DLG2: variants seen among roughly 807,000 people sequenced by gnomAD.
DLG2 encodes the protein disks large homolog 2.
In DLG2, 45 loss-of-function variants were observed where a neutral mutation model predicts 132.5. The ratio of observed to expected loss-of-function variants is 0.34; its 90% confidence interval spans 0.27 to 0.44. DLG2 has a LOEUF of 0.44. DLG2 is among the 20% of genes least tolerant of loss of function. DLG2 has a pLI of 1.00. For missense variants in DLG2, 1,045 were observed against 1,196.9 expected, an observed-to-expected ratio of 0.87 and a Z score of 1.87; for synonymous variants, 424 against 419.6, an observed-to-expected ratio of 1.01 and a Z score of -0.13.
At chr11:84,227,016 T>A (rs1431059595) in intron 8 of DLG2, among the ~76,000 whole-genome samples, 1 of 151,338 alleles carries the variant, frequency 6.6e-6, no homozygotes, top group East Asian at 1.9e-4. Flanking sequence ...AACCCAGGAG[T>A]CGGAGATTGC....
chr11:84,778,689 A>G (rs1036138579), intron 6 of DLG2, among the ~76,000 whole-genome samples: 3 of 151,962 alleles, frequency 2.0e-5, no homozygotes, highest in Admixed American at 1.3e-4. Context: ...TGTCAAGCTG[A>G]TTGGATTGAA....
chr11:83,883,949 T>C (rs1020036848), intron 15 of DLG2, among the ~76,000 whole-genome samples: 2 of 152,192 alleles, frequency 1.3e-5, no homozygotes, highest in East Asian at 1.9e-4. Flanking sequence ...AGAAATTTTA[T>C]AGAGCTGGTG....
At chr11:83,683,530 A>T (rs1566515988) in intron 18 of DLG2, among the ~76,000 whole-genome samples, 1 of 152,214 alleles carries the variant, frequency 6.6e-6, no homozygotes, top group Non-Finnish European at 1.5e-5. Flanking sequence ...AAGGATAAAA[A>T]GATAAGTTTT....
chr11:85,200,450 A>T (rs1172871691), intron 4 of DLG2, among the ~76,000 whole-genome samples: 1 of 152,162 alleles, frequency 6.6e-6, no homozygotes, highest in African/African-American at 2.4e-5. Flanking sequence ...CATATCTCAC[A>T]GCCCAGGCAT....
intron 3 of DLG2, among the ~76,000 whole-genome samples, chr11:85,300,240 C>A (rs2079504824): frequency 6.6e-6 from 1 of 152,200 alleles, no homozygotes; most frequent in South Asian, 2.1e-4. Flanking sequence ...ATGGGAGCAA[C>A]AAAACAAAAT....
At chr11:84,426,778 A>G (rs1378445375) in intron 7 of DLG2, among the ~76,000 whole-genome samples, 1 of 152,164 alleles carries the variant, frequency 6.6e-6, no homozygotes, top group Non-Finnish European at 1.5e-5. Context: ...CATTCAGCAC[A>G]TAATACTTCC....
intron 4 of DLG2, among the ~76,000 whole-genome samples, chr11:85,250,202 A>G (rs2076330120): frequency 1.3e-5 from 2 of 152,168 alleles, no homozygotes; most frequent in South Asian, 4.1e-4. Context: ...GTCAAGTATC[A>G]TAAATGCGTT....
chr11:84,012,956 A>G (rs2154066946), intron 11 of DLG2, among the ~76,000 whole-genome samples: 1 of 151,728 alleles, frequency 6.6e-6, no homozygotes, highest in East Asian at 1.9e-4. Flanking sequence ...TATTACTTCT[A>G]TCAACAGGTC....
At chr11:85,519,044 G>A (rs1357257064) in intron 3 of DLG2, among the ~76,000 whole-genome samples, 2 of 152,156 alleles carry the variant, frequency 1.3e-5, no homozygotes, top group Admixed American at 1.3e-4. Context: ...CCCGGATACC[G>A]AGACAGAAGT....
At chr11:83,605,038 A>AGAGAGAGAGAGAGAGAGAGAGAGAGAGAG (rs2059145176) in intron 19 of DLG2, among the ~76,000 whole-genome samples, 1 of 146,426 alleles carries the variant, frequency 6.8e-6, no homozygotes, top group Admixed American at 6.7e-5. Context: ...AGAGAGAGAG[A>AGAGAGAGAGAGAGAGAGAGAGAGAGAGAG]TTGATTGATT....
chr11:84,952,380 A>G (rs1386499717), intron 6 of DLG2, among the ~76,000 whole-genome samples: 5 of 152,162 alleles, frequency 3.3e-5, no homozygotes, highest in African/African-American at 7.2e-5. Context: ...AGCCGGGCGC[A>G]GTGGCGGGCG....
chr11:85,475,462 AAAT>A (rs1311698511), intron 3 of DLG2, among the ~76,000 whole-genome samples: 1 of 152,080 alleles, frequency 6.6e-6, no homozygotes, highest in Admixed American at 6.5e-5. Context: ...AAACTCTATA[AAAT>A]AATATTTTCT....
chr11:83,456,570 AAG>A lies in DLG2; in HGVS notation c.*3246_*3247del, dbSNP rs969656073. The A allele has an allele frequency of 3.3e-5, 5 of 152,392 alleles. No homozygotes were observed. The highest frequency in any genetic ancestry group is 9.7e-5 in the African/African-American group (4 of 41,416). 9.4% of individuals were successfully genotyped at this position (152,392 alleles called of 1,614,324 possible). On this transcript the variant is annotated 3_prime_UTR_variant, in exon 28 of 28. Transcript: ENST00000376104. ...AGAGACTAAAGGAGAGGTGGACAAA[AAG>A]AGAAAGGGAATAGAGAAGGATTATA...
At chr11:85,213,156 G>A (rs748669618) in intron 4 of DLG2, among the ~76,000 whole-genome samples, 1 of 152,148 alleles carries the variant, frequency 6.6e-6, no homozygotes, top group Non-Finnish European at 1.5e-5. Context: ...GTCTCTCAGA[G>A]TTAAGGTAGA....
chr11:84,439,926 G>A lies in DLG2; in HGVS notation c.519+94644C>T, dbSNP rs183670140. Among the ~76,000 whole-genome samples, 357 of 152,262 alleles carry A rather than the reference G, an allele frequency of 2.3e-3. 5 individuals carry two copies. The highest frequency in any genetic ancestry group is 1.6e-4 in the Non-Finnish European group (11 of 68,016). ...TTTCAAACCACTGATATCATAGAGA[G>A]AATCAAAGGATGTTAATTTACTCTG... is the stretch of plus-strand genomic sequence containing the variant. On this transcript the variant is annotated intron_variant, in intron 7 of 27. Coordinates refer to ENST00000376104, the MANE Select transcript of DLG2 (RefSeq NM_001142699.3).
At chr11:83,526,187 A>G (rs2095605223) in intron 21 of DLG2, among the ~76,000 whole-genome samples, 1 of 152,176 alleles carries the variant, frequency 6.6e-6, no homozygotes, top group African/African-American at 2.4e-5. Flanking sequence ...AGGAAATAGA[A>G]TATTACTAGG....
intron 6 of DLG2, among the ~76,000 whole-genome samples, chr11:84,622,101 T>C (rs1023538023): frequency 6.6e-6 from 1 of 152,190 alleles, no homozygotes; most frequent in Non-Finnish European, 1.5e-5. Context: ...GACTTAATAG[T>C]TTGTCCACAG....
At chr11:85,389,415 A>G (rs1045190822) in intron 3 of DLG2, among the ~76,000 whole-genome samples, 2 of 152,344 alleles carry the variant, frequency 1.3e-5, no homozygotes, top group East Asian at 3.9e-4. Flanking sequence ...AGAGAAATCT[A>G]AAAGTTTGGA....
At chr11:85,020,895 G>T in intron 6 of DLG2, 2 of 767,254 alleles carry the variant, frequency 2.6e-6, no homozygotes, top group Non-Finnish European at 4.9e-6. Flanking sequence ...AGAGTCATGT[G>T]CATCCCCCTC....
Sources: allele counts gnomAD v4.1 joint callset (sites outside exome capture counted in the v4.1 genomes callset), GRCh38; gene constraint gnomAD v4.1.1; transcripts MANE v1.5; gene names NCBI Gene and HGNC (gene_info 2026-07-23, HGNC 2026-07-21).